The following BRDT variants were observed in gnomAD, a reference collection of about 807,000 sequenced individuals.
The protein encoded by BRDT is bromodomain testis associated, also known as bromodomain testis-specific protein.
In BRDT, 77 loss-of-function variants were observed where a neutral mutation model predicts 113.9. The observed-to-expected ratio is 0.68, with a 90% CI of 0.56 to 0.82. BRDT has a LOEUF of 0.82. BRDT is among the 40% of genes least tolerant of loss of function. BRDT has a pLI of 0.00. For synonymous variants in BRDT, 358 were observed against 366.5 expected (o/e 0.98, Z 0.26); for missense variants, 1,027 against 1,105.4 (o/e 0.93, Z 1.01).
Position 91,976,319 on chromosome 1 carries a change from G to C in BRDT, c.499G>C (p.Ala167Pro). 1 of 1,611,604 alleles carries C rather than the reference G, an allele frequency of 6.2e-7. No homozygotes were observed. Among genetic ancestry groups the C allele is most frequent in the Non-Finnish European group, 8.5e-7 (1 of 1,179,106 alleles). ...TGCTAAAGAAAAATCATCACCCAGC[G>C]CAACAGAAAAAGTATTTAAGCAGCA... ...SSAKEKSSPS[A>P]TEKVFKQQEI... The change falls in exon 5 of 19, where the codon GCA (alanine) becomes CCA (proline). Residue 167 changes from alanine (A) to proline (P), a missense_variant. Ala to Pro is a conservative substitution (Grantham distance 27, BLOSUM62 -1). Coordinates refer to ENST00000399546, the MANE Select transcript of BRDT (RefSeq NM_207189.4).
rs1297775842 is a variant in BRDT, at chr1:91,968,346, A to G, written c.445+86A>G. ...TGTGTGTGTAAATCCCTCAAAGGAGACAGACATCCAGAAGTCCTACATCCT... is the reference window on the plus strand; with the variant it reads ...TGTGTGTGTAAATCCCTCAAAGGAGGCAGACATCCAGAAGTCCTACATCCT... On this transcript the variant is annotated intron_variant, in intron 4 of 18. Transcript: ENST00000399546. The G allele has an allele frequency of 4.7e-6, 7 of 1,502,854 alleles. No homozygotes were observed. The East Asian group carries it at 1.2e-4, about 26-fold the overall frequency. 93.1% of individuals were successfully genotyped at this position (1,502,854 alleles called of 1,614,324 possible).
intron 3 of BRDT, among the ~76,000 whole-genome samples, chr1:91,965,718 G>A (rs1428782395): frequency 6.6e-6 from 1 of 152,030 alleles, no homozygotes; most frequent in Non-Finnish European, 1.5e-5. Flanking sequence ...ATGGTGGCAT[G>A]TGCCTGTAGT....
intron 15 of BRDT, among the ~76,000 whole-genome samples, chr1:92,001,003 T>TA (rs1309894250): frequency 6.6e-6 from 1 of 152,220 alleles, no homozygotes; most frequent in Non-Finnish European, 1.5e-5. Flanking sequence ...GAGTCAGACT[T>TA]ACTGCGTTTC....
chr1:91,950,890 T>G (rs1680991641), intron 1 of BRDT: 1 of 151,676 alleles, frequency 6.6e-6, no homozygotes, highest in South Asian at 2.1e-4. Context: ...CCGGGCATGG[T>G]GGTGGGTGCC....
intron 6 of BRDT, 29 bp downstream of exon 6, chr1:91,977,422 C>A (rs1204579791): frequency 7.0e-7 from 1 of 1,421,240 alleles, no homozygotes; most frequent in Non-Finnish European, 9.4e-7. Flanking sequence ...GGAAGAACTT[C>A]TTTTTCTTGA....
At chr1:91,964,546 T>C in intron 2 of BRDT, 81 bp from the exon 3 acceptor site, 1 of 873,848 alleles carries the variant, frequency 1.1e-6, no homozygotes, top group Non-Finnish European at 1.6e-6. Context: ...TGCAGGTGTA[T>C]AGTGCATTAA....
chr1:92,006,359 T>C (rs1485190286), intron 18 of BRDT, among the ~76,000 whole-genome samples: 1 of 152,210 alleles, frequency 6.6e-6, no homozygotes, highest in African/African-American at 2.4e-5. Context: ...TAAAATTCTT[T>C]CCATCGTTTT....
At chr1:91,950,683 G>GGTT (rs1553181931) in intron 1 of BRDT, 1 of 45,828 alleles carries the variant, frequency 2.2e-5, no homozygotes. Context: ...GTGGATAATT[G>GGTT]CTTTTTTTTT....
chr1:91,979,010 A>AC (rs1411399297), intron 7 of BRDT, among the ~76,000 whole-genome samples: 4,939 of 139,198 alleles, frequency 0.035, 133 homozygotes, highest in African/African-American at 0.082. Flanking sequence ...AAAAAAAAAA[A>AC]AAACAACAAC....
chr1:91,990,819 ACAGAGTCT>A (rs1280688728), intron 12 of BRDT, among the ~76,000 whole-genome samples: 1 of 152,076 alleles, frequency 6.6e-6, no homozygotes, highest in Non-Finnish European at 1.5e-5. Context: ...TTTTTTTGAG[ACAGAGTCT>A]CACTCTCTTG....
Position 91,978,210 on chromosome 1 carries a change from G to A in BRDT, c.1012G>A (p.Ala338Thr). ...AGAATATAAGGATGCATACAAATTT[G>A]CGGCAGATGTTAGATTAATGTTCAT... ...NQEYKDAYKF[A>T]ADVRLMFMNC... is the part of the protein sequence containing the mutation. Residue 338 changes from alanine (A) to threonine (T), a missense_variant, in exon 7 of 19, where the codon GCG becomes ACG. Coordinates refer to ENST00000399546, the MANE Select transcript of BRDT (RefSeq NM_207189.4). 1 of 1,613,858 alleles carries A rather than the reference G, an allele frequency of 6.2e-7. No homozygotes were observed. Among genetic ancestry groups the A allele is most frequent in the Non-Finnish European group, 8.5e-7 (1 of 1,179,828 alleles).
intron 1 of BRDT, among the ~76,000 whole-genome samples, chr1:91,954,307 TCTCA>T (rs1401615697): frequency 2.8e-5 from 4 of 141,802 alleles, no homozygotes; most frequent in African/African-American, 5.3e-5. Context: ...TGAGGCAAGT[TCTCA>T]CTCTGTCACC....
intron 12 of BRDT, among the ~76,000 whole-genome samples, chr1:91,983,867 A>G (rs184021133): frequency 4.4e-4 from 67 of 152,084 alleles, no homozygotes; most frequent in Non-Finnish European, 8.4e-4. Context: ...TTTTTAGTAG[A>G]GATGGGGTTT....
At chr1:91,988,880 G>T (rs537274849) in intron 12 of BRDT, among the ~76,000 whole-genome samples, 1 of 152,320 alleles carries the variant, frequency 6.6e-6, no homozygotes, top group Non-Finnish European at 1.5e-5. Flanking sequence ...AGTCAATTAT[G>T]TAAGATTAGA....
chr1:91,969,562 G>A (rs992954829), intron 4 of BRDT, among the ~76,000 whole-genome samples: 2 of 152,114 alleles, frequency 1.3e-5, no homozygotes, highest in East Asian at 3.9e-4. Flanking sequence ...GCCCTTGTGA[G>A]GTAGATAATA....
chr1:91,957,380 C>G (rs1393248366), intron 1 of BRDT: 2 of 152,240 alleles, frequency 1.3e-5, no homozygotes, highest in East Asian at 1.9e-4. Flanking sequence ...GTAGTCCCAG[C>G]TACTCTGGAG....
At chr1:91,979,186 T>C in intron 7 of BRDT, among the ~76,000 whole-genome samples, 1 of 149,652 alleles carries the variant, frequency 6.7e-6, no homozygotes, top group Non-Finnish European at 1.5e-5. Flanking sequence ...CAATCTTGGC[T>C]CACTGCAACC....
At chr1:91,961,809 C>G (rs1187621877) in intron 1 of BRDT, among the ~76,000 whole-genome samples, 1 of 151,894 alleles carries the variant, frequency 6.6e-6, no homozygotes, top group African/African-American at 2.4e-5. Context: ...CTGCTAAGAC[C>G]TCAATTTGTG....
chr1:91,995,065 T>C (rs1686173389), intron 15 of BRDT, among the ~76,000 whole-genome samples: 1 of 152,078 alleles, frequency 6.6e-6, no homozygotes, highest in East Asian at 1.9e-4. Flanking sequence ...CTTAATATCT[T>C]ATCAGAAGGG....
Sources: allele counts gnomAD v4.1 joint callset (sites outside exome capture counted in the v4.1 genomes callset), GRCh38; gene constraint gnomAD v4.1.1; transcripts MANE v1.5; gene names NCBI Gene and HGNC (gene_info 2026-07-23, HGNC 2026-07-21).